Variants in GALNTL6 observed in about 807,000 individuals in gnomAD.
The protein encoded by GALNTL6 is polypeptide N-acetylgalactosaminyltransferase like 6, also known as polypeptide N-acetylgalactosaminyltransferase-like 6.
A neutral mutation model predicts 73.7 loss-of-function variants in GALNTL6; 46 were observed. The observed-to-expected ratio is 0.62, with a 90% CI of 0.49 to 0.80. The LOEUF (loss-of-function observed/expected upper bound fraction) is 0.80. GALNTL6 is among the 30% of genes least tolerant of loss of function. The pLI is 0.00. For synonymous variants in GALNTL6, 259 were observed against 263.7 expected, an observed-to-expected ratio of 0.98 and a Z score of 0.17; for missense variants, 604 against 755.0, an observed-to-expected ratio of 0.80 and a Z score of 2.34.
intron 5 of GALNTL6, among the ~76,000 whole-genome samples, chr4:172,661,277 A>AGAATTCTGCCAGCAGTT (rs1377859258): frequency 6.6e-6 from 1 of 152,174 alleles, no homozygotes; most frequent in Non-Finnish European, 1.5e-5. Context: ...CTGCCAGCAG[A>AGAATTCTGCCAGCAGTT]GAGCCTTTGG....
At chr4:172,928,553 AT>A (rs1354459312) in intron 8 of GALNTL6, among the ~76,000 whole-genome samples, 2 of 152,196 alleles carry the variant, frequency 1.3e-5, no homozygotes, top group African/African-American at 2.4e-5. Context: ...TCTGCTGCAG[AT>A]TTCAACACAT....
intron 2 of GALNTL6, among the ~76,000 whole-genome samples, chr4:172,100,243 T>A (rs1235693606): frequency 6.6e-6 from 1 of 152,148 alleles, no homozygotes; most frequent in African/African-American, 2.4e-5. Context: ...TAAGATTCTA[T>A]GTGCAAGATG....
chr4:172,781,240 A>T (rs1457706761), intron 5 of GALNTL6, among the ~76,000 whole-genome samples: 1 of 152,216 alleles, frequency 6.6e-6, no homozygotes, highest in Non-Finnish European at 1.5e-5. Flanking sequence ...GTCAATCATT[A>T]AATGAAATGG....
intron 2 of GALNTL6, among the ~76,000 whole-genome samples, chr4:171,984,145 C>T (rs965013236): frequency 1.3e-5 from 2 of 152,078 alleles, no homozygotes; most frequent in South Asian, 2.1e-4. Context: ...ATGGCAGGCC[C>T]GTGGGAAGGA....
chr4:172,601,235 C>T, intron 5 of GALNTL6, among the ~76,000 whole-genome samples: 1 of 152,096 alleles, frequency 6.6e-6, no homozygotes, highest in Non-Finnish European at 1.5e-5. Context: ...AACAACATAG[C>T]AATAGAAACT....
intron 2 of GALNTL6, among the ~76,000 whole-genome samples, chr4:171,939,708 A>G (rs1353245582): frequency 6.6e-6 from 1 of 152,078 alleles, no homozygotes; most frequent in African/African-American, 2.4e-5. Context: ...CAAAATAGAT[A>G]TCTGCTGAAT....
chr4:172,807,790 G>T (rs1579508230), intron 5 of GALNTL6, among the ~76,000 whole-genome samples: 1 of 152,054 alleles, frequency 6.6e-6, no homozygotes, highest in Non-Finnish European at 1.5e-5. Context: ...AAACACTCTC[G>T]TGGAAAATCC....
At chr4:172,490,359 A>G (rs1333736096) in intron 5 of GALNTL6, among the ~76,000 whole-genome samples, 1 of 152,174 alleles carries the variant, frequency 6.6e-6, no homozygotes, top group African/African-American at 2.4e-5. Flanking sequence ...TGGAGAATTA[A>G]TCTTTCAATT....
intron 5 of GALNTL6, among the ~76,000 whole-genome samples, chr4:172,598,788 C>G (rs1737952435): frequency 6.6e-6 from 1 of 152,116 alleles, no homozygotes; most frequent in Non-Finnish European, 1.5e-5. Flanking sequence ...TTTTGTGAGA[C>G]TTGACATTTA....
intron 5 of GALNTL6, among the ~76,000 whole-genome samples, chr4:172,647,094 A>G (rs1362654924): frequency 1.3e-5 from 2 of 152,024 alleles, no homozygotes; most frequent in Non-Finnish European, 2.9e-5. Flanking sequence ...ATTAGGTCCT[A>G]ACTTTTGTTA....
intron 2 of GALNTL6, among the ~76,000 whole-genome samples, chr4:171,991,533 C>T (rs1423901760): frequency 6.6e-6 from 1 of 151,724 alleles, no homozygotes; most frequent in African/African-American, 2.4e-5. Context: ...TTTTACATAG[C>T]TACCTTAATT....
chr4:172,083,639 C>T (rs1731946109), intron 2 of GALNTL6, among the ~76,000 whole-genome samples: 1 of 152,178 alleles, frequency 6.6e-6, no homozygotes, highest in South Asian at 2.1e-4. Context: ...CTCAATATAG[C>T]AAACTTTAGT....
At chr4:172,231,736 T>C (rs1049505791) in intron 3 of GALNTL6, among the ~76,000 whole-genome samples, 13 of 152,164 alleles carry the variant, frequency 8.5e-5, no homozygotes, top group African/African-American at 3.1e-4. Flanking sequence ...ACTCAACTAA[T>C]GATAACTGTA....
At chr4:172,215,960 C>G (rs982807936) in intron 2 of GALNTL6, among the ~76,000 whole-genome samples, 1 of 152,100 alleles carries the variant, frequency 6.6e-6, no homozygotes, top group African/African-American at 2.4e-5. Flanking sequence ...TTTCTATGTA[C>G]CAGTTCTTTC....
At chr4:172,913,275 G>C (rs547097241) in intron 8 of GALNTL6, among the ~76,000 whole-genome samples, 1 of 152,220 alleles carries the variant, frequency 6.6e-6, no homozygotes, top group African/African-American at 2.4e-5. Context: ...AAACCACAAA[G>C]ATGGGGAGAA....
rs774442201 is a variant in GALNTL6, at chr4:172,223,653, GTC to G, written c.139-6000_139-5999del. 5.3e-5 allele frequency among the ~76,000 whole-genome samples: 8 copies of G among 152,156 alleles called. No homozygotes were observed. The South Asian group carries it at 8.3e-4, about 16-fold the overall frequency. On this transcript the variant is annotated intron_variant, in intron 2 of 12. Transcript: ENST00000506823. ...ATGAATAATGGGAGAATCAGAAAAA[GTC>G]TCCACATTTGTTTGGTTTTATTAAT...
chr4:171,988,886 A>G (rs990256955), intron 2 of GALNTL6, among the ~76,000 whole-genome samples: 4 of 151,918 alleles, frequency 2.6e-5, no homozygotes, highest in African/African-American at 4.8e-5. Context: ...TAAGGTGGGG[A>G]GACACAAGGG....
intron 2 of GALNTL6, among the ~76,000 whole-genome samples, chr4:171,993,350 C>T (rs1470514671): frequency 6.6e-6 from 1 of 151,232 alleles, no homozygotes; most frequent in Non-Finnish European, 1.5e-5. Context: ...AGAGACAGAA[C>T]CAGAAAATAT....
chr4:172,278,703 T>G (rs1378972207), intron 3 of GALNTL6, among the ~76,000 whole-genome samples: 1 of 152,182 alleles, frequency 6.6e-6, no homozygotes, highest in African/African-American at 2.4e-5. Flanking sequence ...TTCATATTGA[T>G]CGATAACTAT....
Sources: allele counts gnomAD v4.1 joint callset (sites outside exome capture counted in the v4.1 genomes callset), GRCh38; gene constraint gnomAD v4.1.1; transcripts MANE v1.5; gene names NCBI Gene and HGNC (gene_info 2026-07-23, HGNC 2026-07-21).